The following ARFGEF3 variants were observed in gnomAD, a reference collection of about 807,000 sequenced individuals.
ARFGEF3 encodes brefeldin A-inhibited guanine nucleotide-exchange protein 3.
Under a neutral mutation model 221.7 loss-of-function variants are expected in ARFGEF3, and 96 were observed. The ratio of observed to expected loss-of-function variants is 0.43; its 90% CI spans 0.37 to 0.51. ARFGEF3 has a LOEUF of 0.51. Among genes scored for constraint, ARFGEF3 ranks in the 20% least tolerant of loss-of-function variants. ARFGEF3 has a pLI of 0.00. For synonymous variants in ARFGEF3, 1,145 were observed against 1,126.8 expected (o/e 1.02, Z -0.32); for missense variants, 2,410 against 2,789.9 (o/e 0.86, Z 3.07).
intron 4 of ARFGEF3, among the ~76,000 whole-genome samples, chr6:138,211,115 G>C (rs1419683772): frequency 1.3e-5 from 2 of 152,132 alleles, no homozygotes; most frequent in African/African-American, 2.4e-5. Flanking sequence ...GCAATAGTAG[G>C]ACCCACCCAA....
At chr6:138,322,105 TG>T (rs1244013829) in intron 29 of ARFGEF3, among the ~76,000 whole-genome samples, 1 of 152,182 alleles carries the variant, frequency 6.6e-6, no homozygotes, top group Non-Finnish European at 1.5e-5. Flanking sequence ...GCAGAGCAGA[TG>T]GCCCTCCCTA....
At chr6:138,163,502 T>C (rs904316968) in intron 1 of ARFGEF3, among the ~76,000 whole-genome samples, 4 of 152,220 alleles carry the variant, frequency 2.6e-5, no homozygotes, top group African/African-American at 9.7e-5. Context: ...CTGGGTAACA[T>C]GATAAAGCAG....
intron 2 of ARFGEF3, among the ~76,000 whole-genome samples, chr6:138,182,362 A>G (rs1777093103): frequency 6.6e-6 from 1 of 152,228 alleles, no homozygotes; most frequent in East Asian, 1.9e-4. Flanking sequence ...CCATTGTTGA[A>G]AAAACCTCCT....
chr6:138,230,508 G>A (rs7357012), intron 5 of ARFGEF3, among the ~76,000 whole-genome samples: 1,774 of 152,278 alleles, frequency 0.012, 30 homozygotes, highest in African/African-American at 0.04. Flanking sequence ...TACAGGATTT[G>A]TATGTTCTGA....
rs767610754 is a variant in ARFGEF3, at chr6:138,263,589, C to T, written c.2106C>T (p.Asn702=). The T allele has an allele frequency of 1.9e-6, 3 of 1,603,046 alleles. No individual in the cohort carries two copies. The East Asian group carries it at 6.7e-5, about 36-fold the overall frequency. Residue 702 remains asparagine (N), a synonymous_variant, in exon 12 of 34, where the codon AAC becomes AAT. Transcript: ENST00000251691. Reference sequence around the variant, plus strand: ...AGGAGGTGGACACCGCTCTGCAGAACTTTGCCTCTACTTTCTGCTCAGGTT... The same window carrying T: ...AGGAGGTGGACACCGCTCTGCAGAATTTTGCCTCTACTTTCTGCTCAGGTT... The part of the protein sequence containing the change: ...NVEEVDTALQ[N]FASTFCSGMM...
chr6:138,237,195 A>C (rs1333222759), intron 5 of ARFGEF3, among the ~76,000 whole-genome samples: 1 of 152,224 alleles, frequency 6.6e-6, no homozygotes, highest in African/African-American at 2.4e-5. Flanking sequence ...CAGAAGCAGC[A>C]ACAAAGATTA....
chr6:138,311,641 A>G, intron 25 of ARFGEF3, 131 bp downstream of exon 25: 1 of 624,282 alleles, frequency 1.6e-6, no homozygotes, highest in East Asian at 2.8e-5. Flanking sequence ...TGGGGCGCAG[A>G]TGTGGAGTAT....
intron 22 of ARFGEF3, among the ~76,000 whole-genome samples, chr6:138,306,652 T>C (rs1779727683): frequency 6.6e-6 from 1 of 152,160 alleles, no homozygotes; most frequent in Non-Finnish European, 1.5e-5. Flanking sequence ...CTGTTTATAA[T>C]CAATTGATTT....
intron 5 of ARFGEF3, among the ~76,000 whole-genome samples, chr6:138,230,522 G>C (rs1181512253): frequency 6.6e-6 from 1 of 152,218 alleles, no homozygotes; most frequent in Non-Finnish European, 1.5e-5. Context: ...GTTCTGATAA[G>C]AGTATACATT....
chr6:138,336,885 A>G lies in ARFGEF3; in HGVS notation c.*399A>G, dbSNP rs1002418448. On this transcript the variant is annotated 3_prime_UTR_variant, in exon 34 of 34. Transcript: ENST00000251691. Reference sequence around the variant, plus strand: ...AAAAATAAATACAATTCCTAAGGCAATATCTGCTGGTAAGTCAAGCTGATA... The same window carrying G: ...AAAAATAAATACAATTCCTAAGGCAGTATCTGCTGGTAAGTCAAGCTGATA... 1.3e-5 allele frequency: 2 copies of G among 153,156 alleles called. No individual in the cohort carries two copies. The highest frequency in any genetic ancestry group is 4.8e-5 in the African/African-American group (2 of 41,478). The allele number at this position is 153,156 out of a possible 1,614,324, so 9.5% of individuals were successfully genotyped here. A position where few individuals can be genotyped will look rare whatever the true frequency, so the allele number is the denominator to read the frequency against.
chr6:138,263,945 T>A (rs1366160102), intron 12 of ARFGEF3, among the ~76,000 whole-genome samples: 1 of 152,272 alleles, frequency 6.6e-6, no homozygotes, highest in Non-Finnish European at 1.5e-5. Context: ...CCCAGTATGC[T>A]TCTATGTCTT....
intron 1 of ARFGEF3, among the ~76,000 whole-genome samples, chr6:138,168,905 G>A (rs756162496): frequency 2.6e-5 from 4 of 152,140 alleles, no homozygotes; most frequent in African/African-American, 4.8e-5. Context: ...TTCATGGATC[G>A]TGTCTGTTCT....
chr6:138,196,370 A>T (rs1298551802), intron 2 of ARFGEF3, among the ~76,000 whole-genome samples: 1 of 152,258 alleles, frequency 6.6e-6, no homozygotes. Context: ...CTCCCAGGCA[A>T]CCTGTACAGC....
intron 9 of ARFGEF3, 87 bp downstream of exon 9, chr6:138,254,071 C>A: frequency 1.3e-6 from 1 of 784,088 alleles, no homozygotes; most frequent in Non-Finnish European, 2.0e-6. Context: ...CCATGAAGTC[C>A]ATGACCCACC....
intron 8 of ARFGEF3, among the ~76,000 whole-genome samples, chr6:138,249,343 A>AT (rs2114567041): frequency 6.6e-6 from 1 of 152,264 alleles, no homozygotes; most frequent in Admixed American, 6.5e-5. Flanking sequence ...TATTATTTTT[A>AT]TTTTTTGAGA....
chr6:138,218,086 C>T, intron 4 of ARFGEF3: 1 of 1,613,918 alleles, frequency 6.2e-7, no homozygotes, highest in Admixed American at 1.7e-5. Context: ...AATAATATGG[C>T]TTCTGAAGAT....
chr6:138,296,104 G>A (rs1779514004), intron 20 of ARFGEF3, among the ~76,000 whole-genome samples: 1 of 152,066 alleles, frequency 6.6e-6, no homozygotes, highest in East Asian at 1.9e-4. Context: ...TCAAGATTAG[G>A]GCACCAAGAG....
chr6:138,202,877 T>C (rs1178137729), intron 2 of ARFGEF3, among the ~76,000 whole-genome samples: 1 of 150,246 alleles, frequency 6.7e-6, no homozygotes, highest in East Asian at 1.9e-4. Flanking sequence ...CACATACACC[T>C]ACACACACAC....
chr6:138,288,360 G>A (rs528923888), intron 17 of ARFGEF3, among the ~76,000 whole-genome samples: 1 of 152,192 alleles, frequency 6.6e-6, no homozygotes, highest in Non-Finnish European at 1.5e-5. Context: ...ACTCTAGCCT[G>A]GGTGACAGAG....
Sources: allele counts gnomAD v4.1 joint callset (sites outside exome capture counted in the v4.1 genomes callset), GRCh38; gene constraint gnomAD v4.1.1; transcripts MANE v1.5; gene names NCBI Gene and HGNC (gene_info 2026-07-23, HGNC 2026-07-21).